LPIN1: variants seen among roughly 807,000 people sequenced by gnomAD.
LPIN1 encodes phosphatidate phosphatase LPIN1.
Under a neutral mutation model 107.5 loss-of-function variants are expected in LPIN1, and 71 were observed. That is an observed-to-expected ratio of 0.66 (90% CI 0.55 to 0.80). The LOEUF (loss-of-function observed/expected upper bound fraction) is 0.80. Ranked by LOEUF, LPIN1 falls within the 30% of genes least tolerant of loss-of-function variation. The pLI, the probability that LPIN1 is intolerant of heterozygous loss-of-function variation, is 0.00. For missense variants in LPIN1, 1,043 were observed against 1,160.6 expected (o/e 0.90, Z 1.47); for synonymous variants, 445 against 452.6 (o/e 0.98, Z 0.21).
At chr2:11,801,422 A>G (rs1677710784) in intron 14 of LPIN1, among the ~76,000 whole-genome samples, 1 of 152,258 alleles carries the variant, frequency 6.6e-6, no homozygotes, top group Non-Finnish European at 1.5e-5. Context: ...CTATTCAGAC[A>G]TAAAAAAGAA....
intron 1 of LPIN1, among the ~76,000 whole-genome samples, chr2:11,691,216 G>A (rs6432232): frequency 6.6e-6 from 1 of 151,588 alleles, no homozygotes; most frequent in East Asian, 1.9e-4. Flanking sequence ...CCCCAGGTCC[G>A]GGGGCACAGT....
chr2:11,819,740 C>T, intron 19 of LPIN1, 142 bp downstream of exon 19: 1 of 756,150 alleles, frequency 1.3e-6, no homozygotes. Flanking sequence ...GCCACTTGCC[C>T]ACATCTAAAG....
intron 1 of LPIN1, among the ~76,000 whole-genome samples, chr2:11,755,461 CTG>C (rs1287243401): frequency 6.6e-6 from 1 of 152,174 alleles, no homozygotes; most frequent in Non-Finnish European, 1.5e-5. Flanking sequence ...AGCCTCGTCC[CTG>C]TCCTCAAGGA....
intron 14 of LPIN1, among the ~76,000 whole-genome samples, chr2:11,799,562 A>T (rs1677323666): frequency 1.3e-5 from 2 of 151,960 alleles, no homozygotes. Flanking sequence ...TTGTTGGTTC[A>T]GAGGAACCAG....
rs865995115 is a variant in LPIN1 at position 11,802,755 on chromosome 2, T to C, written c.1887-152T>C. ...GAATGGGGATGTAGTGAGAGTTCAT[T>C]GATAAATTTAACGTCTTATGGTAAA... is the stretch of plus-strand genomic sequence containing the variant. On this transcript the variant is annotated intron_variant, in intron 14 of 20. Transcript: ENST00000674199. The C allele has an allele frequency of 9.4e-6, 8 of 849,642 alleles. No homozygotes were observed. In the African/African-American group the frequency reaches 1.3e-4, roughly 14 times the overall value. The allele number at this position is 849,642 out of a possible 1,614,324, so 52.6% of individuals were successfully genotyped here.
chr2:11,819,702 C>T, intron 19 of LPIN1, 104 bp downstream of exon 19: 3 of 885,898 alleles, frequency 3.4e-6, no homozygotes, highest in East Asian at 2.4e-5. Context: ...GTCAGATTCT[C>T]ATCCCAGAAG....
chr2:11,685,212 A>C (rs1460861768), intron 1 of LPIN1, among the ~76,000 whole-genome samples: 1 of 152,234 alleles, frequency 6.6e-6, no homozygotes, highest in Non-Finnish European at 1.5e-5. Flanking sequence ...AAGCTGAAGC[A>C]TCTTGGCAGG....
At chr2:11,782,590 C>G in intron 8 of LPIN1, 83 bp downstream of exon 8, 2 of 1,500,648 alleles carry the variant, frequency 1.3e-6, no homozygotes, top group East Asian at 2.3e-5. Context: ...TCCAAAGTTC[C>G]AAGGAAACTG....
chr2:11,768,112 C>T (rs1459041751), intron 3 of LPIN1, among the ~76,000 whole-genome samples: 5 of 152,140 alleles, frequency 3.3e-5, no homozygotes, highest in Non-Finnish European at 7.4e-5. Flanking sequence ...GAGGGATGGA[C>T]TTCACACATG....
At chr2:11,795,237 C>T (rs764445242) in intron 13 of LPIN1, among the ~76,000 whole-genome samples, 171 bp from the exon 14 acceptor site, 13 of 152,106 alleles carry the variant, frequency 8.5e-5, no homozygotes, top group Non-Finnish European at 1.3e-4. Flanking sequence ...GATCAGGACC[C>T]ACCGAAACAA....
At position 11,803,737 on chromosome 2, in the gene LPIN1, C is replaced by A. The variant is rs1211644858; in HGVS notation, c.2014-686C>A. Reference sequence around the variant, plus strand: ...GGGGGTCTCTGTGTGACTCACTGCTCCCACTGGCGACACTGGGGACACCTG... The same window carrying A: ...GGGGGTCTCTGTGTGACTCACTGCTACCACTGGCGACACTGGGGACACCTG... On this transcript the variant is annotated intron_variant, in intron 15 of 20. Transcript: ENST00000674199. This position sits in a 1 kb window ranked among gnomAD's most constrained non-coding sequence, Gnocchi z 4.2. 2.0e-5 allele frequency among the ~76,000 whole-genome samples: 3 copies of A among 151,998 alleles called. No individual in the cohort carries two copies. The highest frequency in any genetic ancestry group is 4.4e-5 in the Non-Finnish European group (3 of 67,976).
Position 11,707,314 on chromosome 2 carries a change from G to A in LPIN1, c.82-6442G>A, listed in dbSNP as rs942942098. On this transcript the variant is annotated intron_variant, in intron 1 of 21. Coordinates refer to the LPIN1 transcript ENST00000449576. The surrounding 1 kb of genome is among the most constrained non-coding windows in gnomAD (Gnocchi z 4.2). ...AGAGACCAGCATGAAGTGAGAGAAG[G>A]AGGCTTAGGGAGAATCTGCCAGGCA... 2.0e-5 allele frequency among the ~76,000 whole-genome samples: 3 copies of A among 152,126 alleles called. No individual in the cohort carries two copies. Among genetic ancestry groups the A allele is most frequent in the Non-Finnish European group, 2.9e-5 (2 of 68,026 alleles).
chr2:11,819,444 T>C lies in LPIN1; in HGVS notation c.2403-40T>C. Reference sequence around the variant, plus strand: ...AAAACAGTTTGATGCTAAAGGAAGCTTAGCCTCTCATGTTAATCTGTTATT... The same window carrying C: ...AAAACAGTTTGATGCTAAAGGAAGCCTAGCCTCTCATGTTAATCTGTTATT... On this transcript the variant is annotated intron_variant, in intron 18 of 20. Transcript: ENST00000674199. 3.1e-6 allele frequency: 4 copies of C among 1,277,158 alleles called. No individual in the cohort carries two copies. The East Asian group carries it at 9.2e-5, about 29-fold the overall frequency. The allele number at this position is 1,277,158 out of a possible 1,614,324, so 79.1% of individuals were successfully genotyped here. A position where few individuals can be genotyped will look rare whatever the true frequency, so the allele number is the denominator to read the frequency against.
upstream of LPIN1, among the ~76,000 whole-genome samples, chr2:11,720,435 GGAATGCTTTAATAT>G (rs1490750975): frequency 1.9e-4 from 29 of 152,218 alleles, no homozygotes; most frequent in African/African-American, 6.5e-4. Flanking sequence ...ATGCACAAAT[GGAATGCTTTAATAT>G]GTAACTACTT....
chr2:11,710,834 C>T (rs1386362606), intron 1 of LPIN1, among the ~76,000 whole-genome samples: 1 of 151,938 alleles, frequency 6.6e-6, no homozygotes, highest in Non-Finnish European at 1.5e-5. Context: ...CTGAGCTTCA[C>T]ACTTTATGTT....
At chr2:11,724,493 A>G (rs1016111882) in exon 1 of LPIN1, 15 of 985,726 alleles carry the variant, frequency 1.5e-5, no homozygotes, top group Non-Finnish European at 1.8e-5. Context: ...CAGCCTGCTG[A>G]GAACTAGAAA....
chr2:11,826,070 G>A lies in LPIN1; in HGVS notation c.*1279G>A, dbSNP rs1334263001. 3.3e-5 allele frequency: 5 copies of A among 152,542 alleles called. No homozygotes were observed. Among genetic ancestry groups the A allele is most frequent in the Non-Finnish European group, 5.9e-5 (4 of 68,028 alleles). 9.4% of individuals were successfully genotyped at this position (152,542 alleles called of 1,614,324 possible). ...TGTTTATTACACTGGCTCGTGGACAGAACAATTTGAAAAGTGAAAGAATTA... is the reference window on the plus strand; with the variant it reads ...TGTTTATTACACTGGCTCGTGGACAAAACAATTTGAAAAGTGAAAGAATTA... On this transcript the variant is annotated 3_prime_UTR_variant, in exon 21 of 21. Coordinates refer to ENST00000674199, the MANE Select transcript of LPIN1 (RefSeq NM_001349206.2).
At chr2:11,779,050 G>T (rs1476992857) in intron 6 of LPIN1, among the ~76,000 whole-genome samples, 1 of 152,196 alleles carries the variant, frequency 6.6e-6, no homozygotes, top group Non-Finnish European at 1.5e-5. Context: ...TCCCAGGCCA[G>T]TGCAGATGAT....
intron 2 of LPIN1, among the ~76,000 whole-genome samples, chr2:11,766,378 G>A (rs75901564): frequency 0.039 from 6,010 of 152,312 alleles, 179 homozygotes; most frequent in Non-Finnish European, 0.062. Context: ...TCATAAATTT[G>A]GAGAGGAGAA....
Sources: gnomAD v4.1 joint callset for allele counts (sites outside exome capture counted in the v4.1 genomes callset) on GRCh38, gnomAD v4.1.1 for gene constraint, Gnocchi (gnomAD v3.1) non-coding constraint, MANE v1.5 for transcripts, NCBI Gene and HGNC (gene_info 2026-07-23, HGNC 2026-07-21) for gene names.